KCNMA1: variants seen among roughly 807,000 people sequenced by gnomAD.
The protein encoded by KCNMA1 is Calcium-activated potassium channel subunit alpha-1.
KCNMA1 carries 29 observed loss-of-function variants against 140.0 expected under a neutral mutation model. That is an observed-to-expected ratio of 0.21 (90% CI 0.15 to 0.28). The LOEUF (loss-of-function observed/expected upper bound fraction) is 0.28. Among genes scored for constraint, KCNMA1 ranks in the 10% least tolerant of loss-of-function variants. KCNMA1 has a pLI of 1.00. For synonymous variants in KCNMA1, 612 were observed against 611.9 expected (o/e 1.00, Z 0.00); for missense variants, 880 against 1,602.2 (o/e 0.55, Z 7.70).
Position 76,885,427 on chromosome 10 carries a change from G to A in KCNMA1, c.*1839C>T. The A allele has an allele frequency of 1.0e-6, 1 of 985,172 alleles. No homozygotes were observed. The allele number at this position is 985,172 out of a possible 1,614,324, so 61.0% of individuals were successfully genotyped here. ...TACGCTGCCCCTGTCTTTGGTGTGG[G>A]GGAGGGTGGAGGTTCTGACTGAGCC... On this transcript the variant is annotated 3_prime_UTR_variant, in exon 28 of 28. Transcript: ENST00000286628.
At chr10:77,592,165 A>C (rs1018469695) in intron 1 of KCNMA1, among the ~76,000 whole-genome samples, 2 of 152,218 alleles carry the variant, frequency 1.3e-5, no homozygotes, top group Non-Finnish European at 2.9e-5. Context: ...AAACAAAAAA[A>C]AACCCATATG....
intron 1 of KCNMA1, among the ~76,000 whole-genome samples, chr10:77,587,462 C>T (rs187687818): frequency 9.9e-4 from 150 of 152,278 alleles, no homozygotes; most frequent in Non-Finnish European, 1.7e-3. Context: ...TCCCCAGCAG[C>T]CTGCACTTCT....
intron 15 of KCNMA1, among the ~76,000 whole-genome samples, chr10:77,036,044 G>A (rs559051507): frequency 3.3e-5 from 5 of 152,290 alleles, no homozygotes; most frequent in East Asian, 3.9e-4. Flanking sequence ...TCTAATCAGC[G>A]GCCAGCATGG....
intron 2 of KCNMA1, among the ~76,000 whole-genome samples, chr10:77,398,720 G>A (rs781666342): frequency 3.3e-5 from 5 of 152,182 alleles, no homozygotes; most frequent in Non-Finnish European, 5.9e-5. Flanking sequence ...GAGTTGAGTC[G>A]TGGAGCCCAC....
intron 1 of KCNMA1, among the ~76,000 whole-genome samples, chr10:77,598,427 C>T (rs558317822): frequency 1.6e-4 from 25 of 152,212 alleles, no homozygotes; most frequent in African/African-American, 4.8e-4. Flanking sequence ...TATCTTGACC[C>T]GGGCCTGGGG....
rs115005824 is a variant in KCNMA1 at position 76,938,686 on chromosome 10, A to G, written c.2902+6087T>C. On this transcript the variant is annotated intron_variant, in intron 23 of 27. Coordinates refer to ENST00000286628, the MANE Select transcript of KCNMA1 (RefSeq NM_001161352.2). ...TTTACAGCTTCCTAACTCAAGAAAG[A>G]AAAGAAATTCCTCAATGCCCAACCC... Among the ~76,000 whole-genome samples the G allele has an allele frequency of 7.6e-3, 1,161 of 152,328 alleles. 15 individuals are homozygous for G. The highest frequency in any genetic ancestry group is 0.027 in the African/African-American group (1,105 of 41,566).
At chr10:77,235,404 A>C (rs2055077452) in intron 3 of KCNMA1, among the ~76,000 whole-genome samples, 1 of 152,146 alleles carries the variant, frequency 6.6e-6, no homozygotes, top group Non-Finnish European at 1.5e-5. Context: ...TCCTTACTAA[A>C]GTTGTCACGG....
At chr10:77,187,036 C>A (rs973773455) in intron 3 of KCNMA1, among the ~76,000 whole-genome samples, 22 of 152,140 alleles carry the variant, frequency 1.4e-4, no homozygotes, top group African/African-American at 5.3e-4. Context: ...CTTACAGTTG[C>A]CCTCACAGTC....
intron 1 of KCNMA1, among the ~76,000 whole-genome samples, chr10:77,406,956 G>A (rs1381431333): frequency 2.0e-5 from 3 of 152,170 alleles, no homozygotes; most frequent in African/African-American, 7.2e-5. Flanking sequence ...TGGGAGGCAG[G>A]GGGGCCCTCC....
chr10:77,352,270 C>T (rs1330135276), intron 2 of KCNMA1, among the ~76,000 whole-genome samples: 1 of 152,208 alleles, frequency 6.6e-6, no homozygotes, highest in Non-Finnish European at 1.5e-5. Flanking sequence ...GTTAGTGGTC[C>T]TTTGGAAATC....
At chr10:77,370,406 A>C (rs933530500) in intron 2 of KCNMA1, among the ~76,000 whole-genome samples, 4 of 152,180 alleles carry the variant, frequency 2.6e-5, no homozygotes, top group Admixed American at 2.6e-4. Context: ...CCTACCAAAA[A>C]AAAAGCCCTT....
intron 9 of KCNMA1, among the ~76,000 whole-genome samples, chr10:77,107,159 G>A (rs911364342): frequency 1.3e-5 from 2 of 152,136 alleles, no homozygotes; most frequent in Non-Finnish European, 2.9e-5. Context: ...CAGCAGTGGA[G>A]GGAAATACAA....
chr10:77,152,214 A>G (rs2098425597), intron 5 of KCNMA1, among the ~76,000 whole-genome samples: 1 of 151,908 alleles, frequency 6.6e-6, no homozygotes, highest in South Asian at 2.1e-4. Context: ...TGGTTCTACC[A>G]TGCATAAGCT....
chr10:77,132,676 A>G (rs1035546905), intron 5 of KCNMA1, among the ~76,000 whole-genome samples: 14 of 152,150 alleles, frequency 9.2e-5, no homozygotes, highest in African/African-American at 3.4e-4. Flanking sequence ...TAAATTTTAT[A>G]ACATCAATGT....
At chr10:77,182,014 G>T (rs2098806898) in intron 5 of KCNMA1, among the ~76,000 whole-genome samples, 1 of 152,002 alleles carries the variant, frequency 6.6e-6, no homozygotes, top group Admixed American at 6.6e-5. Flanking sequence ...AAAAATACTT[G>T]ACACTAGGTA....
intron 1 of KCNMA1, among the ~76,000 whole-genome samples, chr10:77,437,616 A>G (rs1387099632): frequency 1.3e-5 from 2 of 152,162 alleles, no homozygotes; most frequent in African/African-American, 2.4e-5. Flanking sequence ...TTCCTAACCT[A>G]TCCCCAGGCC....
rs1421196656 is a variant in KCNMA1 at position 76,905,121 on chromosome 10, A to G, written c.3147+4845T>C. 3 of 152,262 alleles carry G rather than the reference A, an allele frequency of 2.0e-5. No individual in the cohort carries two copies. The East Asian group carries it at 5.8e-4, about 29-fold the overall frequency. 9.4% of individuals were successfully genotyped at this position (152,262 alleles called of 1,614,324 possible). ...CAACAAATTCAATTTAAAAATAAAA[A>G]CTTGATAAATGCAGAAGTTGTCTGT... On this transcript the variant is annotated intron_variant, in intron 25 of 27. Transcript: ENST00000286628.
chr10:77,263,123 A>G (rs980762692), intron 2 of KCNMA1, among the ~76,000 whole-genome samples: 2 of 152,178 alleles, frequency 1.3e-5, no homozygotes, highest in African/African-American at 2.4e-5. Context: ...TCTCAATTCA[A>G]TGGCAGTGGG....
intron 2 of KCNMA1, among the ~76,000 whole-genome samples, chr10:77,262,575 T>A (rs1600436582): frequency 9.7e-6 from 1 of 102,838 alleles, no homozygotes; most frequent in Admixed American, 9.5e-5. Flanking sequence ...ATGGGAGGCG[T>A]TTTGGTCATG....
Sources: allele counts gnomAD v4.1 joint callset (sites outside exome capture counted in the v4.1 genomes callset), GRCh38; gene constraint gnomAD v4.1.1; transcripts MANE v1.5; gene names NCBI Gene and HGNC (gene_info 2026-07-23, HGNC 2026-07-21).